Variants in KCNQ3 observed in about 807,000 individuals in gnomAD.
KCNQ3 encodes the protein potassium voltage-gated channel subfamily Q member 3.
KCNQ3 carries 30 observed loss-of-function variants against 92.5 expected under a neutral mutation model. The observed-to-expected ratio is 0.32, with a 90% CI of 0.24 to 0.44. The LOEUF (loss-of-function observed/expected upper bound fraction) is 0.44, where lower values mean the gene tolerates loss of function less well. Among genes scored for constraint, KCNQ3 ranks in the 20% least tolerant of loss-of-function variants. The pLI is 1.00. For missense variants in KCNQ3, 913 were observed against 1,140.3 expected (o/e 0.80, Z 2.87); for synonymous variants, 450 against 468.8 (o/e 0.96, Z 0.52).
intron 1 of KCNQ3, among the ~76,000 whole-genome samples, chr8:132,297,392 T>A (rs1817071455): frequency 6.6e-6 from 1 of 152,052 alleles, no homozygotes. Context: ...GCTCTTTAGT[T>A]TAATTAGATC....
At chr8:132,305,023 C>T (rs1817374537) in intron 1 of KCNQ3, among the ~76,000 whole-genome samples, 1 of 152,174 alleles carries the variant, frequency 6.6e-6, no homozygotes, top group Admixed American at 6.5e-5. Context: ...TTCCCCAGAG[C>T]CATTTCTCTC....
chr8:132,340,629 A>G lies in KCNQ3; in HGVS notation c.386+139518T>C, dbSNP rs114237689. 6.5e-3 allele frequency among the ~76,000 whole-genome samples: 991 copies of G among 152,140 alleles called. 7 individuals are homozygous for G. The highest frequency in any genetic ancestry group is 0.02 in the African/African-American group (833 of 41,504). ...CCTATTGGGGGGTGGTGGGGGATGGAGGCAAGGGGAGGATGCGTTAGGACA... is the reference window on the plus strand; with the variant it reads ...CCTATTGGGGGGTGGTGGGGGATGGGGGCAAGGGGAGGATGCGTTAGGACA... On this transcript the variant is annotated intron_variant, in intron 1 of 14. Transcript: ENST00000388996.
At chr8:132,204,857 A>G (rs1813606586) in intron 1 of KCNQ3, among the ~76,000 whole-genome samples, 1 of 152,168 alleles carries the variant, frequency 6.6e-6, no homozygotes, top group African/African-American at 2.4e-5. Flanking sequence ...AAAAGTTGGT[A>G]AATTCAGACC....
intron 1 of KCNQ3, among the ~76,000 whole-genome samples, chr8:132,410,881 G>A (rs72721059): frequency 0.033 from 4,967 of 152,280 alleles, 107 homozygotes; most frequent in Non-Finnish European, 0.052. Flanking sequence ...GCTTCATACA[G>A]CAGCCATCAC....
intron 1 of KCNQ3, among the ~76,000 whole-genome samples, chr8:132,438,235 A>G (rs964253575): frequency 1.3e-4 from 20 of 152,240 alleles, no homozygotes; most frequent in Admixed American, 1.2e-3. Context: ...TCTGTATTAT[A>G]TAAGACTAGA....
intron 1 of KCNQ3, among the ~76,000 whole-genome samples, chr8:132,361,915 T>C (rs989731332): frequency 1.3e-5 from 2 of 152,334 alleles, no homozygotes; most frequent in South Asian, 4.1e-4. Context: ...ATAACTTCTT[T>C]AATCTACATC....
chr8:132,462,027 T>G (rs988741845), intron 1 of KCNQ3, among the ~76,000 whole-genome samples: 2 of 152,190 alleles, frequency 1.3e-5, no homozygotes, highest in African/African-American at 4.8e-5. Context: ...ACTACTCTTT[T>G]GCAGATGAGA....
At chr8:132,455,126 A>AT (rs1005892990) in intron 1 of KCNQ3, among the ~76,000 whole-genome samples, 38 of 152,152 alleles carry the variant, frequency 2.5e-4, no homozygotes, top group African/African-American at 8.4e-4. Flanking sequence ...AAAATGGTAA[A>AT]TTTTTTTTAA....
rs188696582 is a variant in KCNQ3, at chr8:132,341,563, C to T, written c.386+138584G>A. ...CTAGCAGTGCAATTTGATAACTGAACGAATGAATGAATCAGTGAAAAATAA... is the reference window on the plus strand; with the variant it reads ...CTAGCAGTGCAATTTGATAACTGAATGAATGAATGAATCAGTGAAAAATAA... On this transcript the variant is annotated intron_variant, in intron 1 of 14. Coordinates refer to ENST00000388996, the MANE Select transcript of KCNQ3 (RefSeq NM_004519.4). Among the ~76,000 whole-genome samples the T allele has an allele frequency of 1.7e-4, 26 of 152,214 alleles. No individual in the cohort carries two copies. In the East Asian group the frequency reaches 2.1e-3, roughly 12 times the overall value.
At chr8:132,259,237 G>C (rs6471050) in intron 1 of KCNQ3, among the ~76,000 whole-genome samples, 4,270 of 152,020 alleles carry the variant, frequency 0.028, 228 homozygotes, top group African/African-American at 0.097. Context: ...TATGAATATA[G>C]ATACAAAATG....
At chr8:132,443,896 C>T (rs2130841671) in intron 1 of KCNQ3, among the ~76,000 whole-genome samples, 1 of 152,274 alleles carries the variant, frequency 6.6e-6, no homozygotes, top group South Asian at 2.1e-4. Flanking sequence ...TACTTTCACA[C>T]AGCTAAGGGC....
intron 1 of KCNQ3, among the ~76,000 whole-genome samples, chr8:132,412,468 C>A (rs1266075892): frequency 1.3e-5 from 2 of 152,176 alleles, no homozygotes; most frequent in African/African-American, 4.8e-5. Flanking sequence ...ACACCTCCAA[C>A]CAGGATTCAG....
chr8:132,154,714 A>C (rs1465165412), intron 9 of KCNQ3, among the ~76,000 whole-genome samples: 2 of 152,118 alleles, frequency 1.3e-5, no homozygotes, highest in African/African-American at 4.8e-5. Context: ...TGGGATTCCA[A>C]CTGAGAGATG....
At chr8:132,260,831 A>C (rs920578490) in intron 1 of KCNQ3, among the ~76,000 whole-genome samples, 1 of 151,940 alleles carries the variant, frequency 6.6e-6, no homozygotes, top group African/African-American at 2.4e-5. Flanking sequence ...CCAAACTTCC[A>C]TCCAACCATC....
intron 1 of KCNQ3, among the ~76,000 whole-genome samples, chr8:132,381,316 G>A (rs955281317): frequency 6.6e-6 from 1 of 152,158 alleles, no homozygotes; most frequent in South Asian, 2.1e-4. Flanking sequence ...ATTCATGAAA[G>A]CTCCACAGCT....
In KCNQ3 at chr8:132,128,148, A is replaced by C. The variant is rs1279686834; in HGVS notation, c.*1114T>G. 1 of 152,204 alleles carries C rather than the reference A, an allele frequency of 6.6e-6. No homozygotes were observed. Among genetic ancestry groups the C allele is most frequent in the Non-Finnish European group, 1.5e-5 (1 of 68,040 alleles). 9.4% of individuals were successfully genotyped at this position (152,204 alleles called of 1,614,324 possible). On this transcript the variant is annotated 3_prime_UTR_variant, in exon 15 of 15. Transcript: ENST00000388996. Reference sequence around the variant, plus strand: ...CTTGACACAATCTCTAGGATGCATTATATAAATGGAAGAATGGTGTGGTGA... The same window carrying C: ...CTTGACACAATCTCTAGGATGCATTCTATAAATGGAAGAATGGTGTGGTGA...
At chr8:132,190,492 G>T (rs1387061141) in intron 1 of KCNQ3, among the ~76,000 whole-genome samples, 1 of 152,182 alleles carries the variant, frequency 6.6e-6, no homozygotes, top group African/African-American at 2.4e-5. Flanking sequence ...TGTTTTGAAA[G>T]GCCTGTGAGA....
chr8:132,320,338 T>C lies in KCNQ3; in HGVS notation c.387-134157A>G, dbSNP rs1012411605. Among the ~76,000 whole-genome samples, 24 of 152,244 alleles carry C rather than the reference T, an allele frequency of 1.6e-4. 1 individual carries two copies. Among genetic ancestry groups the C allele is most frequent in the African/African-American group, 5.8e-4 (24 of 41,546 alleles). On this transcript the variant is annotated intron_variant, in intron 1 of 14. Coordinates refer to ENST00000388996, the MANE Select transcript of KCNQ3 (RefSeq NM_004519.4). The stretch of plus-strand genomic sequence containing the variant: ...GGGTTGACACAAGAAATAACAGAGA[T>C]AACACAGATAAACAGCATGATCTTC...
chr8:132,451,550 C>T (rs750323125), intron 1 of KCNQ3, among the ~76,000 whole-genome samples: 1 of 152,146 alleles, frequency 6.6e-6, no homozygotes, highest in Non-Finnish European at 1.5e-5. Context: ...TAGGTGCTCA[C>T]TAAATATTCA....
Sources: gnomAD v4.1 joint callset for allele counts (sites outside exome capture counted in the v4.1 genomes callset) on GRCh38, gnomAD v4.1.1 for gene constraint, MANE v1.5 for transcripts, NCBI Gene and HGNC (gene_info 2026-07-23, HGNC 2026-07-21) for gene names.